Variants in DYNC1LI1 observed in about 807,000 individuals in gnomAD.
The protein encoded by DYNC1LI1 is cytoplasmic dynein 1 light intermediate chain 1.
DYNC1LI1 carries 19 observed loss-of-function variants against 63.8 expected under a neutral mutation model. That is an observed-to-expected ratio of 0.30 (90% CI 0.21 to 0.44). DYNC1LI1 has a LOEUF of 0.44. Ranked by LOEUF, DYNC1LI1 falls within the 20% of genes least tolerant of loss-of-function variation. The probability of loss-of-function intolerance (pLI) is 1.00; values close to 1 mark genes in which losing one functional copy is unlikely to be tolerated. For synonymous variants in DYNC1LI1, 225 were observed against 232.3 expected (o/e 0.97, Z 0.28); for missense variants, 565 against 630.2 (o/e 0.90, Z 1.11).
At chr3:32,548,951 A>C (rs888351608) in intron 2 of DYNC1LI1, among the ~76,000 whole-genome samples, 1 of 152,168 alleles carries the variant, frequency 6.6e-6, no homozygotes, top group South Asian at 2.1e-4. Flanking sequence ...CCATCAAAAA[A>C]AGAAATTAGG....
intron 5 of DYNC1LI1, among the ~76,000 whole-genome samples, chr3:32,538,654 T>C (rs1697834746): frequency 6.6e-6 from 1 of 151,736 alleles, no homozygotes; most frequent in Admixed American, 6.6e-5. Context: ...TGAGCCAAGA[T>C]TGCGCCACCG....
chr3:32,535,107 C>T (rs1206161395), intron 6 of DYNC1LI1, among the ~76,000 whole-genome samples: 1 of 152,156 alleles, frequency 6.6e-6, no homozygotes, highest in Non-Finnish European at 1.5e-5. Context: ...AGGGATAAGG[C>T]TCAGGAGACT....
At chr3:32,528,404 A>G (rs1264683303) in intron 12 of DYNC1LI1, 42 bp downstream of exon 12, 28 of 1,610,942 alleles carry the variant, frequency 1.7e-5, no homozygotes, top group Non-Finnish European at 2.4e-5. Context: ...ATCTCAAAAA[A>G]GCTGTTATTT....
Position 32,541,183 on chromosome 3 carries a change from C to T in DYNC1LI1, c.592G>A (p.Val198Ile). ...GCCGGGAAGTCTTCTCCTGGCTCTACATATTCTTGGAAGTCTCTAATCACT... is the reference window on the plus strand; with the variant it reads ...GCCGGGAAGTCTTCTCCTGGCTCTATATATTCTTGGAAGTCTCTAATCACT... Reference protein sequence around the residue: ...QKLIRDFQEYVEPGEDFPASP... With the variant: ...QKLIRDFQEYIEPGEDFPASP... Residue 198 changes from valine (V) to isoleucine (I), a missense_variant, in exon 5 of 13, where the codon GTA becomes ATA. Transcript: ENST00000273130. 1.2e-6 allele frequency: 2 copies of T among 1,609,806 alleles called. No individual in the cohort carries two copies. Among genetic ancestry groups the T allele is most frequent in the East Asian group, 4.5e-5 (2 of 44,768 alleles).
At chr3:32,529,349 T>C (rs1239155840) in intron 11 of DYNC1LI1, among the ~76,000 whole-genome samples, 191 bp downstream of exon 11, 2 of 152,198 alleles carry the variant, frequency 1.3e-5, no homozygotes, top group African/African-American at 2.4e-5. Context: ...ATCATGGAAA[T>C]GATGATACAT....
intron 5 of DYNC1LI1, among the ~76,000 whole-genome samples, chr3:32,538,672 G>T (rs1198669469): frequency 2.6e-5 from 4 of 151,706 alleles, no homozygotes; most frequent in African/African-American, 9.7e-5. Flanking sequence ...CCGCACTCTA[G>T]CCTGGGTGAC....
chr3:32,550,346 G>A (rs62252800), intron 2 of DYNC1LI1, among the ~76,000 whole-genome samples: 21,578 of 152,186 alleles, frequency 0.14, 1,722 homozygotes, highest in Middle Eastern at 0.21. Context: ...CAGGAGAATC[G>A]CTTGAACCCG....
In DYNC1LI1 at chr3:32,570,678, C is replaced by T. The variant is rs1473160518; in HGVS notation, c.93G>A (p.Ala31=). 1 of 1,605,892 alleles carries T rather than the reference C, an allele frequency of 6.2e-7. No individual in the cohort carries two copies. Among genetic ancestry groups the T allele is most frequent in the Non-Finnish European group, 8.5e-7 (1 of 1,176,412 alleles). ...CTGCCGCGGCGCCACCGTTGCCCGACGCTATCTCGTTGCCCAAGGGGCCGC... is the reference window on the plus strand; with the variant it reads ...CTGCCGCGGCGCCACCGTTGCCCGATGCTATCTCGTTGCCCAAGGGGCCGC... The part of the protein sequence containing the change: ...YTGGPLGNEI[A]SGNGGAAAGD... The change falls in exon 1 of 13, where the codon GCG becomes GCA. Residue 31 remains alanine (A), a synonymous_variant. Coordinates refer to ENST00000273130, the MANE Select transcript of DYNC1LI1 (RefSeq NM_016141.4).
At chr3:32,562,012 T>A (rs1698201491) in intron 2 of DYNC1LI1, among the ~76,000 whole-genome samples, 1 of 152,200 alleles carries the variant, frequency 6.6e-6, no homozygotes, top group Non-Finnish European at 1.5e-5. Flanking sequence ...TAGACGCTCA[T>A]ACCTATAACC....
intron 4 of DYNC1LI1, 118 bp downstream of exon 4, chr3:32,544,758 A>T: frequency 1.4e-6 from 1 of 690,544 alleles, no homozygotes; most frequent in Non-Finnish European, 2.4e-6. Context: ...AAAAAAAAAA[A>T]GTACTTACAA....
chr3:32,532,934 C>A, intron 8 of DYNC1LI1, 52 bp downstream of exon 8: 1 of 1,496,808 alleles, frequency 6.7e-7, no homozygotes, highest in South Asian at 1.4e-5. Context: ...ATGGAATTCC[C>A]CTCAGGTTAG....
In DYNC1LI1 at chr3:32,530,265, C is replaced by T; in HGVS notation, c.1185+19G>A. On this transcript the variant is annotated intron_variant, in intron 10 of 12. Transcript: ENST00000273130. ...ATGTACTGCATTTTAATCATTTTGT[C>T]AAAATTTGTAATACTGACCACAGGC... The T allele has an allele frequency of 6.4e-7, 1 of 1,571,940 alleles. No homozygotes were observed. Among genetic ancestry groups the T allele is most frequent in the Non-Finnish European group, 8.6e-7 (1 of 1,163,350 alleles).
intron 2 of DYNC1LI1, among the ~76,000 whole-genome samples, chr3:32,552,448 C>T (rs370782363): frequency 1.3e-5 from 2 of 152,260 alleles, no homozygotes; most frequent in East Asian, 3.9e-4. Flanking sequence ...GCATGAGTCA[C>T]TGAGACCCCC....
chr3:32,541,579 A>G (rs1697883088), intron 4 of DYNC1LI1, among the ~76,000 whole-genome samples: 1 of 152,220 alleles, frequency 6.6e-6, no homozygotes, highest in Non-Finnish European at 1.5e-5. Context: ...CCATAACTTA[A>G]AAGATAGTCT....
intron 2 of DYNC1LI1, among the ~76,000 whole-genome samples, chr3:32,564,302 A>G (rs978984267): frequency 1.3e-5 from 2 of 152,254 alleles, no homozygotes; most frequent in African/African-American, 4.8e-5. Flanking sequence ...TGACAGGGCA[A>G]GACCCCATCT....
At chr3:32,532,444 T>G (rs1697710579) in intron 8 of DYNC1LI1, 1 of 132,178 alleles carries the variant, frequency 7.6e-6, no homozygotes, top group African/African-American at 2.9e-5. Context: ...CCAGGCTGGG[T>G]AACACAGTGA....
intron 2 of DYNC1LI1, among the ~76,000 whole-genome samples, chr3:32,556,295 A>C (rs1362053920): frequency 6.6e-6 from 1 of 152,226 alleles, no homozygotes; most frequent in East Asian, 1.9e-4. Flanking sequence ...AGCACACTGC[A>C]GACTGAATAG....
chr3:32,549,312 C>T (rs1415553143), intron 2 of DYNC1LI1, among the ~76,000 whole-genome samples: 1 of 150,928 alleles, frequency 6.6e-6, no homozygotes, highest in Non-Finnish European at 1.5e-5. Context: ...CCTCAGCAGA[C>T]ACAAGCATTA....
At chr3:32,556,861 C>G (rs577006231) in intron 2 of DYNC1LI1, among the ~76,000 whole-genome samples, 99 of 152,290 alleles carry the variant, frequency 6.5e-4, no homozygotes, top group African/African-American at 2.3e-3. Flanking sequence ...TGATTCCAAC[C>G]ACAATCTCTA....
Sources: allele counts gnomAD v4.1 joint callset (sites outside exome capture counted in the v4.1 genomes callset), GRCh38; gene constraint gnomAD v4.1.1; transcripts MANE v1.5; gene names NCBI Gene and HGNC (gene_info 2026-07-23, HGNC 2026-07-21).